The following GAP43 variants were observed in gnomAD, a reference collection of about 807,000 sequenced individuals.
GAP43 encodes neuromodulin.
Under a neutral mutation model 18.6 loss-of-function variants are expected in GAP43, and 6 were observed. The observed-to-expected ratio is 0.32, with a 90% CI of 0.18 to 0.64. The LOEUF is 0.64. GAP43 is among the 30% of genes least tolerant of loss of function. GAP43 has a pLI of 0.78. For missense variants in GAP43, 292 were observed against 295.5 expected (o/e 0.99, Z 0.09); for synonymous variants, 115 against 111.4 (o/e 1.03, Z -0.20).
intron 1 of GAP43, among the ~76,000 whole-genome samples, chr3:115,664,071 C>T (rs1025536049): frequency 2.6e-5 from 4 of 152,022 alleles, no homozygotes; most frequent in Admixed American, 6.6e-5. Flanking sequence ...GTACCCATTG[C>T]ATAGTTTTGT....
chr3:115,645,427 A>C (rs558649017), intron 1 of GAP43, among the ~76,000 whole-genome samples: 1 of 152,164 alleles, frequency 6.6e-6, no homozygotes, highest in South Asian at 2.1e-4. Flanking sequence ...TCAGATGTAG[A>C]GACCAAAGAA....
At chr3:115,711,238 G>A (rs1709433698) in intron 2 of GAP43, among the ~76,000 whole-genome samples, 1 of 152,156 alleles carries the variant, frequency 6.6e-6, no homozygotes, top group African/African-American at 2.4e-5. Flanking sequence ...ATATGTGTGT[G>A]TGTGTGCACG....
intron 1 of GAP43, among the ~76,000 whole-genome samples, chr3:115,630,505 T>C (rs1265189843): frequency 6.6e-6 from 1 of 152,192 alleles, no homozygotes; most frequent in Non-Finnish European, 1.5e-5. Context: ...ATGGAACAAA[T>C]TGCAACCACT....
intron 2 of GAP43, among the ~76,000 whole-genome samples, chr3:115,694,437 T>G (rs1709157685): frequency 6.6e-6 from 1 of 152,236 alleles, no homozygotes; most frequent in Non-Finnish European, 1.5e-5. Flanking sequence ...CTGGCTTCAC[T>G]TATTAGGCCC....
chr3:115,684,912 C>A (rs1709014313), intron 2 of GAP43, among the ~76,000 whole-genome samples: 1 of 152,152 alleles, frequency 6.6e-6, no homozygotes, highest in Admixed American at 6.5e-5. Context: ...ACTTGAGACA[C>A]CACCTTTCAT....
intron 1 of GAP43, among the ~76,000 whole-genome samples, chr3:115,650,601 G>A (rs1248156847): frequency 6.6e-6 from 1 of 151,728 alleles, no homozygotes; most frequent in Non-Finnish European, 1.5e-5. Flanking sequence ...GATCTTTATG[G>A]TTCTTATGGC....
At chr3:115,650,982 A>G (rs575698744) in intron 1 of GAP43, among the ~76,000 whole-genome samples, 16 of 152,220 alleles carry the variant, frequency 1.1e-4, no homozygotes, top group East Asian at 3.9e-4. Flanking sequence ...AAATAAAAAA[A>G]TTAGCTGGGC....
At chr3:115,662,541 C>A (rs2107481671) in intron 1 of GAP43, among the ~76,000 whole-genome samples, 1 of 152,232 alleles carries the variant, frequency 6.6e-6, no homozygotes, top group South Asian at 2.1e-4. Flanking sequence ...TTCTGGGAAT[C>A]ATTTATTCCT....
chr3:115,661,339 C>T (rs1057403711), intron 1 of GAP43: 1 of 152,206 alleles, frequency 6.6e-6, no homozygotes. Context: ...CTTTGTGCAG[C>T]ATCTGAGTTG....
At chr3:115,699,199 C>T (rs79286478) in intron 2 of GAP43, among the ~76,000 whole-genome samples, 3,827 of 152,296 alleles carry the variant, frequency 0.025, 145 homozygotes, top group African/African-American at 0.085. Context: ...TGCATCCTGA[C>T]ACCTGCTGAG....
chr3:115,698,307 A>ATATAATATATATATATTATATATAAT, intron 2 of GAP43, among the ~76,000 whole-genome samples: 1 of 80,812 alleles, frequency 1.2e-5, no homozygotes, highest in Non-Finnish European at 2.3e-5. Context: ...TTATATATAA[A>ATATAATATATATATATTATATATAAT]ATATATATAA....
intron 2 of GAP43, among the ~76,000 whole-genome samples, chr3:115,708,320 G>C (rs970751037): frequency 6.6e-6 from 1 of 152,170 alleles, no homozygotes; most frequent in African/African-American, 2.4e-5. Context: ...TGGGTCATAG[G>C]AATTATAAGC....
chr3:115,652,356 C>CTTTTTTTTTTTTTTT lies in GAP43; in HGVS notation c.31-23642_31-23628dup, dbSNP rs71141831. Among the ~76,000 whole-genome samples the CTTTTTTTTTTTTTTT allele has an allele frequency of 3.2e-4, 14 of 43,810 alleles. 2 individuals are homozygous for CTTTTTTTTTTTTTTT. The highest frequency in any genetic ancestry group is 3.6e-4 in the Non-Finnish European group (9 of 24,662). 28.7% of individuals were successfully genotyped at this position (43,810 alleles called of 152,430 possible). A position where few individuals can be genotyped will look rare whatever the true frequency, so the allele number is the denominator to read the frequency against. On this transcript the variant is annotated intron_variant, in intron 1 of 2. Transcript: ENST00000305124. Reference sequence around the variant, plus strand: ...TTCCTGATGATTCTTATCCAGCATTCTTTTTTTTTTTTTTTTTTTTTTTTT... The same window carrying CTTTTTTTTTTTTTTT: ...TTCCTGATGATTCTTATCCAGCATTCTTTTTTTTTTTTTTTTTTTTTTTTTTTTTTTTTTTTTTTT...
At position 115,676,212 on chromosome 3, in the gene GAP43, G is replaced by A; in HGVS notation, c.230G>A (p.Gly77Glu). 1 of 1,614,182 alleles carries A rather than the reference G, an allele frequency of 6.2e-7. No individual in the cohort carries two copies. Among genetic ancestry groups the A allele is most frequent in the Non-Finnish European group, 8.5e-7 (1 of 1,180,036 alleles). The change falls in exon 2 of 3, where the codon GGG becomes GAG. Residue 77 changes from glycine to glutamate, a missense_variant. Gly to Glu is a moderately conservative substitution (Grantham distance 98). Coordinates refer to ENST00000305124, the MANE Select transcript of GAP43 (RefSeq NM_002045.4). ...NKKDEAPVAD[G>E]VEKKGEGTTT... ...AAGGATGAAGCCCCTGTTGCCGATG[G>A]GGTGGAGAAGAAGGGAGAAGGCACC... is the stretch of plus-strand genomic sequence containing the variant.
At chr3:115,663,749 G>T in intron 1 of GAP43, 2 of 1,551,176 alleles carry the variant, frequency 1.3e-6, no homozygotes, top group South Asian at 1.2e-5. Context: ...TTTAGACAGT[G>T]AACTAGGCCA....
intron 1 of GAP43, among the ~76,000 whole-genome samples, chr3:115,668,529 A>G (rs1366939458): frequency 6.6e-6 from 1 of 152,128 alleles, no homozygotes; most frequent in Non-Finnish European, 1.5e-5. Context: ...GGTTCAAGCA[A>G]TTCTCCTGCC....
intron 1 of GAP43, among the ~76,000 whole-genome samples, chr3:115,661,678 T>TG (rs1438364125): frequency 6.6e-6 from 1 of 151,846 alleles, no homozygotes; most frequent in Non-Finnish European, 1.5e-5. Flanking sequence ...TTAGTAGAGA[T>TG]GGGGTTTCAC....
chr3:115,640,911 T>C (rs1708386091), intron 1 of GAP43, among the ~76,000 whole-genome samples: 1 of 149,550 alleles, frequency 6.7e-6, no homozygotes, highest in Non-Finnish European at 1.5e-5. Flanking sequence ...TTTTTTCTTT[T>C]TCTTTCTTTC....
chr3:115,697,253 G>A (rs373446064), intron 2 of GAP43, among the ~76,000 whole-genome samples: 148 of 151,748 alleles, frequency 9.8e-4, no homozygotes, highest in Middle Eastern at 3.4e-3. Flanking sequence ...TTATTATTTC[G>A]TACACTGTGG....
Sources: gnomAD v4.1 joint callset for allele counts (sites outside exome capture counted in the v4.1 genomes callset) on GRCh38, gnomAD v4.1.1 for gene constraint, MANE v1.5 for transcripts, NCBI Gene and HGNC (gene_info 2026-07-23, HGNC 2026-07-21) for gene names.